The following GTPBP6 variants were observed in gnomAD, a reference collection of about 807,000 sequenced individuals.
GTPBP6 encodes the protein putative GTP-binding protein 6.
A neutral mutation model predicts 28.9 loss-of-function variants in GTPBP6; 33 were observed. The observed-to-expected ratio is 1.14, with a 90% CI of 0.87 to 1.53. GTPBP6 has a LOEUF of 1.53. Ranked by LOEUF, GTPBP6 falls within the 40% of genes most tolerant of loss-of-function variation. The probability of loss-of-function intolerance (pLI) is 0.00; values close to 1 mark genes in which losing one functional copy is unlikely to be tolerated. For synonymous variants in GTPBP6, 231 were observed against 192.7 expected (o/e 1.20, Z -1.65); for missense variants, 507 against 408.3 (o/e 1.24, Z -2.08).
intron 6 of GTPBP6, chrX:312,542 G>A (rs746033749): frequency 1.4e-6 from 1 of 699,634 alleles, no homozygotes; most frequent in South Asian, 1.5e-5. Context: ...CTTGGCTGCT[G>A]TACCCCACAC....
chrX:317,166 G>A (rs2070453772), intron 1 of GTPBP6, 115 bp from the exon 2 acceptor site: 2 of 398,036 alleles, frequency 5.0e-6, no homozygotes, highest in African/African-American at 2.1e-5. Context: ...AAGGCACCTT[G>A]AGCCGCCGTT....
intron 9 of GTPBP6, among the ~76,000 whole-genome samples, chrX:306,045 T>G (rs1381830658): frequency 6.6e-6 from 1 of 152,256 alleles, no homozygotes; most frequent in African/African-American, 2.4e-5. Context: ...GTTACAGGCC[T>G]GTGCCACGGC....
exon 5 of GTPBP6, chrX:314,192 G>T (rs770181777): frequency 6.2e-7 from 1 of 1,613,308 alleles, no homozygotes; most frequent in African/African-American, 1.3e-5. Flanking sequence ...CGGTACAGGT[G>T]GGCGACGTCC....
intron 6 of GTPBP6, chrX:312,518 G>C (rs1333945614): frequency 1.4e-5 from 10 of 690,424 alleles, no homozygotes; most frequent in Non-Finnish European, 2.4e-5. Flanking sequence ...GGATGGGGTA[G>C]ATGACATCCT....
At chrX:313,974 C>T (rs2070371749) in intron 5 of GTPBP6, among the ~76,000 whole-genome samples, 176 bp downstream of exon 5, 1 of 152,106 alleles carries the variant, frequency 6.6e-6, no homozygotes, top group African/African-American at 2.4e-5. Context: ...CAGCCAGCCC[C>T]CACCCTGTTG....
At chrX:313,516 C>T (rs993082847) in intron 5 of GTPBP6, among the ~76,000 whole-genome samples, 12 of 151,198 alleles carry the variant, frequency 7.9e-5, no homozygotes, top group Non-Finnish European at 1.2e-4. Context: ...CTGTGGTCCT[C>T]CTAAAAGATC....
chrX:315,481 T>C (rs1396915036), intron 2 of GTPBP6, among the ~76,000 whole-genome samples, 182 bp from the exon 3 acceptor site: 1 of 148,324 alleles, frequency 6.7e-6, no homozygotes, highest in African/African-American at 2.5e-5. Context: ...TCTCTAGGAG[T>C]GTGTGTCTCA....
chrX:307,258 G>T, intron 9 of GTPBP6, 102 bp downstream of exon 9: 2 of 1,051,650 alleles, frequency 1.9e-6, no homozygotes, highest in East Asian at 2.5e-5. Context: ...TAAAGCTCTC[G>T]GGGATCTCAC....
intron 7 of GTPBP6, among the ~76,000 whole-genome samples, chrX:309,432 C>G (rs2070238950): frequency 6.6e-6 from 1 of 152,032 alleles, no homozygotes; most frequent in East Asian, 1.9e-4. Flanking sequence ...GCAGAGTGGG[C>G]CTTAAATCCA....
chrX:316,043 GACACAC>G (rs1167000794), intron 2 of GTPBP6, among the ~76,000 whole-genome samples: 1 of 13,996 alleles, frequency 7.1e-5, no homozygotes. Flanking sequence ...GACAGGGACA[GACACAC>G]ACACAGACAC....
chrX:312,671 CACT>C lies in GTPBP6; in HGVS notation c.916+92_916+94del, dbSNP rs762791448. 24 of 1,295,382 alleles carry C rather than the reference CACT, an allele frequency of 1.9e-5. 1 individual carries two copies. Among genetic ancestry groups the C allele is most frequent in the Non-Finnish European group, 2.5e-5 (23 of 902,886 alleles). 80.2% of individuals were successfully genotyped at this position (1,295,382 alleles called of 1,614,324 possible). On this transcript the variant is annotated intron_variant, in intron 6 of 9. Coordinates refer to ENST00000326153, the Ensembl canonical transcript of GTPBP6. ...GCTCACCGCAGCTGTCGTACGGCACCACTGAGACGACAGGGACCCCCTGCCCTC... is the reference window on the plus strand; with the variant it reads ...GCTCACCGCAGCTGTCGTACGGCACCGAGACGACAGGGACCCCCTGCCCTC...
exon 9 of GTPBP6, chrX:307,360 C>T: frequency 6.2e-7 from 1 of 1,611,906 alleles, no homozygotes; most frequent in Non-Finnish European, 8.5e-7. Flanking sequence ...GGCCGCTCAC[C>T]TGAGCTGCGC....
chrX:309,388 C>A (rs1285017155), intron 7 of GTPBP6, among the ~76,000 whole-genome samples: 2 of 152,112 alleles, frequency 1.3e-5, no homozygotes, highest in Non-Finnish European at 2.9e-5. Flanking sequence ...AAGATCTCTG[C>A]GGATGCAGCT....
exon 7 of GTPBP6, chrX:311,494 G>A (rs1255196676): frequency 1.4e-5 from 23 of 1,611,442 alleles, no homozygotes; most frequent in South Asian, 5.5e-5. Context: ...GGAAGCCGAT[G>A]GTGTCCACGT....
chrX:315,072 T>C (rs2070404369), intron 3 of GTPBP6, 52 bp from the exon 4 acceptor site: 2 of 398,584 alleles, frequency 5.0e-6, no homozygotes, highest in Non-Finnish European at 8.8e-6. Flanking sequence ...CGGGCCCTGG[T>C]GGCCAATGTG....
At chrX:314,624 C>G (rs745354624) in intron 4 of GTPBP6, among the ~76,000 whole-genome samples, 2 of 152,088 alleles carry the variant, frequency 1.3e-5, no homozygotes, top group African/African-American at 4.8e-5. Context: ...AGGCGCCCGC[C>G]ACCACGCCCG....
At chrX:317,183 C>G (rs2070454053) in intron 1 of GTPBP6, 132 bp from the exon 2 acceptor site, 1 of 397,972 alleles carries the variant, frequency 2.5e-6, no homozygotes, top group South Asian at 1.3e-4. Flanking sequence ...CGTTTGTCCC[C>G]CGATATGACT....
intron 7 of GTPBP6, among the ~76,000 whole-genome samples, chrX:309,463 C>G (rs189589047): frequency 3.1e-5 from 4 of 131,110 alleles, no homozygotes; most frequent in African/African-American, 8.0e-5. Context: ...GGTATGTTTA[C>G]GACAGAAAGA....
chrX:312,357 T>C (rs2070324090), intron 6 of GTPBP6: 1 of 473,314 alleles, frequency 2.1e-6, no homozygotes. Flanking sequence ...AGGAGGATGG[T>C]ATAGACAGAG....
Sources: gnomAD v4.1 joint callset for allele counts (sites outside exome capture counted in the v4.1 genomes callset) on GRCh38, gnomAD v4.1.1 for gene constraint, MANE v1.5 for transcripts, NCBI Gene and HGNC (gene_info 2026-07-23, HGNC 2026-07-21) for gene names.